Variants in INSC observed in about 807,000 individuals in gnomAD.
INSC encodes the protein INSC spindle orientation adaptor protein.
A neutral mutation model predicts 58.6 loss-of-function variants in INSC; 67 were observed. The ratio of observed to expected loss-of-function variants is 1.14; its 90% CI spans 0.94 to 1.40. INSC has a LOEUF of 1.40. INSC is among the 40% of genes most tolerant of loss of function. INSC has a pLI of 0.00. For synonymous variants in INSC, 262 were observed against 276.1 expected (o/e 0.95, Z 0.51); for missense variants, 714 against 692.0 (o/e 1.03, Z -0.36).
chr11:15,123,636 G>T (rs749886889), intron 1 of INSC, among the ~76,000 whole-genome samples: 3 of 152,136 alleles, frequency 2.0e-5, no homozygotes, highest in Non-Finnish European at 4.4e-5. Flanking sequence ...CTTTTGGGAG[G>T]CTGGTGACAG....
chr11:15,181,552 C>A (rs1247501107), intron 5 of INSC, among the ~76,000 whole-genome samples: 2 of 152,154 alleles, frequency 1.3e-5, no homozygotes, highest in Admixed American at 1.3e-4. Context: ...GAAAGAAACC[C>A]AGCTCCCCAC....
At chr11:15,239,111 G>T in intron 11 of INSC, 37 bp downstream of exon 11, 1 of 1,583,358 alleles carries the variant, frequency 6.3e-7, no homozygotes, top group Non-Finnish European at 8.6e-7. Flanking sequence ...GGAGTGGAGT[G>T]GGGGTATTGG....
rs1361690243 is a variant in INSC at position 15,221,637 on chromosome 11, C to T, written c.980C>T (p.Thr327Ile). ...SFLESMEEIV[T>I]ALVKLCQEAS... Reference sequence around the variant, plus strand: ...CTGGAGAGCATGGAGGAGATCGTGACAGCCCTCGTCAGTGAGTCACCCTGG... The same window carrying T: ...CTGGAGAGCATGGAGGAGATCGTGATAGCCCTCGTCAGTGAGTCACCCTGG... Residue 327 changes from threonine (T) to isoleucine (I), a missense_variant, in exon 8 of 13, where the codon ACA becomes ATA. Thr to Ile is a moderately conservative substitution (Grantham distance 89). Coordinates refer to ENST00000379556, the MANE Select transcript of INSC (RefSeq NM_001042536.3). 2 of 1,610,644 alleles carry T rather than the reference C, an allele frequency of 1.2e-6. No homozygotes were observed. The highest frequency in any genetic ancestry group is 1.7e-5 in the Admixed American group (1 of 59,738).
At chr11:15,130,884 C>T (rs4757288) in intron 1 of INSC, among the ~76,000 whole-genome samples, 74,785 of 151,788 alleles carry the variant, frequency 0.49, 19,347 homozygotes, top group Non-Finnish European at 0.58. Flanking sequence ...CTTTTATTGC[C>T]AATATCATTT....
At chr11:15,213,405 G>A (rs1851100731) in intron 7 of INSC, among the ~76,000 whole-genome samples, 1 of 152,162 alleles carries the variant, frequency 6.6e-6, no homozygotes, top group African/African-American at 2.4e-5. Flanking sequence ...ACCAGGCTGA[G>A]GACCACTGAT....
downstream of INSC, among the ~76,000 whole-genome samples, chr11:15,252,027 A>G (rs900237148): frequency 6.6e-6 from 1 of 152,250 alleles, no homozygotes; most frequent in Non-Finnish European, 1.5e-5. Flanking sequence ...GATAAATCAT[A>G]CAATGGAATA....
intron 2 of INSC, among the ~76,000 whole-genome samples, chr11:15,155,597 C>T (rs1848788840): frequency 6.6e-6 from 1 of 152,144 alleles, no homozygotes; most frequent in Non-Finnish European, 1.5e-5. Context: ...CAGTGCCTGG[C>T]CCATTTGGGG....
chr11:15,207,927 G>A (rs1046870495), intron 7 of INSC, among the ~76,000 whole-genome samples: 1 of 152,110 alleles, frequency 6.6e-6, no homozygotes, highest in Non-Finnish European at 1.5e-5. Context: ...GAGATACTGG[G>A]AGGGACAGAG....
the INSC span, among the ~76,000 whole-genome samples, chr11:15,267,579 T>C: frequency 2.0e-5 from 3 of 151,972 alleles, no homozygotes; most frequent in African/African-American, 7.2e-5. Context: ...CTCTAGATGT[T>C]CAATTTGGGT....
At position 15,225,676 on chromosome 11, in the gene INSC, G is replaced by A; in HGVS notation, c.1018G>A (p.Glu340Lys). The A allele has an allele frequency of 3.7e-6, 6 of 1,614,198 alleles. No individual in the cohort carries two copies. Among genetic ancestry groups the A allele is most frequent in the Middle Eastern group, 1.7e-4 (1 of 6,058 alleles). The part of the protein sequence containing the change: ...VKLCQEASSG[E>K]VFLLASAALA... ...ACTGTGCCAAGAGGCCTCATCAGGG[G>A]AAGTCTTCCTACTGGCCTCTGCGGC... The change falls in exon 9 of 13, where the codon GAA becomes AAA. Residue 340 changes from glutamate to lysine, a missense_variant. Transcript: ENST00000379556.
the INSC span, among the ~76,000 whole-genome samples, chr11:15,256,333 T>C: frequency 6.6e-6 from 1 of 152,218 alleles, no homozygotes; most frequent in Non-Finnish European, 1.5e-5. Flanking sequence ...AATTTAATAA[T>C]GAACTTACTT....
chr11:15,154,885 T>C (rs1484548719), intron 2 of INSC, among the ~76,000 whole-genome samples: 4 of 152,218 alleles, frequency 2.6e-5, no homozygotes, highest in African/African-American at 4.8e-5. Context: ...GTTCTTCCCA[T>C]TCTTTCCTGT....
intron 5 of INSC, among the ~76,000 whole-genome samples, chr11:15,183,567 A>G (rs1177778134): frequency 6.6e-6 from 1 of 152,048 alleles, no homozygotes; most frequent in African/African-American, 2.4e-5. Context: ...TCCTTAGACC[A>G]AAGCAAAGAG....
intron 1 of INSC, among the ~76,000 whole-genome samples, chr11:15,117,846 T>C (rs1847769134): frequency 6.6e-6 from 1 of 152,196 alleles, no homozygotes; most frequent in South Asian, 2.1e-4. Context: ...CTAGTAGCTC[T>C]GGGACATAAT....
rs749848116 is a variant in INSC, at chr11:15,225,717, G to A, written c.1059G>A (p.Thr353=). ...CCTCTGCGGCCCTTGCCAACATCAC[G>A]TTCTTTGACACAATGGCCTGCGAGA... The part of the protein sequence containing the change: ...LLASAALANI[T]FFDTMACEML... The change falls in exon 9 of 13, where the codon ACG becomes ACA. Residue 353 remains threonine, a synonymous_variant. Transcript: ENST00000379556. 60 of 1,614,106 alleles carry A rather than the reference G, an allele frequency of 3.7e-5. 2 individuals are homozygous for A. Among genetic ancestry groups the A allele is most frequent in the South Asian group, 2.3e-4 (21 of 91,050 alleles).
chr11:15,141,865 G>A (rs1013192481), intron 1 of INSC, among the ~76,000 whole-genome samples: 2 of 152,102 alleles, frequency 1.3e-5, no homozygotes, highest in African/African-American at 4.8e-5. Context: ...GCTTGCACCT[G>A]CCTCTTAAAT....
intron 7 of INSC, among the ~76,000 whole-genome samples, chr11:15,203,089 A>T (rs1850658326): frequency 6.6e-6 from 1 of 152,250 alleles, no homozygotes; most frequent in Non-Finnish European, 1.5e-5. Context: ...TCTTAAAGAT[A>T]AGGAAATGGA....
At chr11:15,205,038 A>C (rs571978609) in intron 7 of INSC, among the ~76,000 whole-genome samples, 24 of 152,042 alleles carry the variant, frequency 1.6e-4, no homozygotes, top group Admixed American at 4.6e-4. Flanking sequence ...TCATTCATTC[A>C]CTCACGGGAA....
intron 7 of INSC, among the ~76,000 whole-genome samples, chr11:15,212,659 T>C (rs1211608161): frequency 6.6e-6 from 1 of 152,240 alleles, no homozygotes; most frequent in Non-Finnish European, 1.5e-5. Flanking sequence ...CTGTTGTTGG[T>C]AATACATAAA....
Sources: allele counts gnomAD v4.1 joint callset (sites outside exome capture counted in the v4.1 genomes callset), GRCh38; gene constraint gnomAD v4.1.1; transcripts MANE v1.5; gene names NCBI Gene and HGNC (gene_info 2026-07-23, HGNC 2026-07-21).